PTPRD: variants seen among roughly 807,000 people sequenced by gnomAD.
PTPRD encodes protein tyrosine phosphatase receptor type D, also known as receptor-type tyrosine-protein phosphatase delta.
PTPRD carries 34 observed loss-of-function variants against 214.5 expected under a neutral mutation model. The observed-to-expected ratio is 0.16, with a 90% CI of 0.12 to 0.21. The LOEUF is 0.21. PTPRD is among the 10% of genes least tolerant of loss of function. PTPRD has a pLI of 1.00. For synonymous variants in PTPRD, 1,128 were observed against 845.7 expected, an observed-to-expected ratio of 1.33 and a Z score of -5.79; for missense variants, 2,545 against 2,398.7, an observed-to-expected ratio of 1.06 and a Z score of -1.27.
At chr9:10,520,182 GGAAGAGTTATT>G (rs2051681724) in intron 2 of PTPRD, among the ~76,000 whole-genome samples, 1 of 152,130 alleles carries the variant, frequency 6.6e-6, no homozygotes, top group Non-Finnish European at 1.5e-5. Context: ...CAAATGCAAA[GGAAGAGTTATT>G]GAAGCAAAAG....
intron 5 of PTPRD, among the ~76,000 whole-genome samples, chr9:9,801,672 G>C (rs920703469): frequency 6.6e-6 from 1 of 152,030 alleles, no homozygotes; most frequent in Admixed American, 6.6e-5. Flanking sequence ...ATTGTTTTGA[G>C]TTTATAGGGT....
chr9:9,882,058 G>A (rs927939514), intron 5 of PTPRD, among the ~76,000 whole-genome samples: 5 of 152,004 alleles, frequency 3.3e-5, no homozygotes, highest in Non-Finnish European at 7.4e-5. Flanking sequence ...GTTGAAAAAA[G>A]AATGTAGACA....
chr9:9,269,020 C>T (rs1280232728), intron 9 of PTPRD, among the ~76,000 whole-genome samples: 1 of 150,250 alleles, frequency 6.7e-6, no homozygotes, highest in Non-Finnish European at 1.5e-5. Context: ...GGAAACACAT[C>T]AAGCTGAAAA....
intron 12 of PTPRD, chr9:8,713,574 C>T (rs1403777642): frequency 2.2e-5 from 33 of 1,488,182 alleles, no homozygotes; most frequent in Non-Finnish European, 3.0e-5. Context: ...ACTCCCGGAG[C>T]GGCACCCACA....
intron 11 of PTPRD, among the ~76,000 whole-genome samples, chr9:9,005,393 C>T (rs769314191): frequency 6.8e-6 from 1 of 148,064 alleles, no homozygotes; most frequent in African/African-American, 2.4e-5. Context: ...ATATGAGATG[C>T]CTAATAAATA....
intron 4 of PTPRD, among the ~76,000 whole-genome samples, chr9:9,993,523 T>G (rs561848901): frequency 6.6e-6 from 1 of 152,150 alleles, no homozygotes; most frequent in Non-Finnish European, 1.5e-5. Flanking sequence ...AATTCTCTAA[T>G]ATAAAGTTGA....
chr9:9,740,881 C>T (rs1372347439), intron 6 of PTPRD, among the ~76,000 whole-genome samples: 2 of 152,006 alleles, frequency 1.3e-5, no homozygotes, highest in African/African-American at 2.4e-5. Flanking sequence ...ATATTCTAAA[C>T]AGAGAAAATA....
intron 3 of PTPRD, among the ~76,000 whole-genome samples, chr9:10,036,066 ATTGGT>A (rs2097175065): frequency 2.0e-5 from 3 of 152,172 alleles, no homozygotes; most frequent in Non-Finnish European, 2.9e-5. Flanking sequence ...GATATTCAAC[ATTGGT>A]ATCTGGCAGT....
At chr9:9,139,035 A>G (rs888159396) in intron 10 of PTPRD, among the ~76,000 whole-genome samples, 2 of 152,166 alleles carry the variant, frequency 1.3e-5, no homozygotes, top group Non-Finnish European at 2.9e-5. Flanking sequence ...TAGCAGAGCC[A>G]GGATAGACTC....
chr9:9,951,163 G>A (rs2093419879), intron 4 of PTPRD, among the ~76,000 whole-genome samples: 1 of 152,098 alleles, frequency 6.6e-6, no homozygotes, highest in Non-Finnish European at 1.5e-5. Context: ...ATGTTTCAGG[G>A]ACAATGGAAC....
At chr9:9,397,304 A>C (rs999713581) in intron 9 of PTPRD, 145 bp downstream of exon 9, 1 of 152,268 alleles carries the variant, frequency 6.6e-6, no homozygotes, top group Non-Finnish European at 1.5e-5. Flanking sequence ...AGAAGAAACA[A>C]AACATCCTAA....
chr9:9,068,914 A>G (rs947403727), intron 10 of PTPRD, among the ~76,000 whole-genome samples: 14 of 152,194 alleles, frequency 9.2e-5, no homozygotes, highest in African/African-American at 3.4e-4. Flanking sequence ...TCGGCCTACA[A>G]AAATTTCTTT....
At chr9:10,178,005 T>C (rs2099259558) in intron 3 of PTPRD, among the ~76,000 whole-genome samples, 2 of 151,890 alleles carry the variant, frequency 1.3e-5, no homozygotes, top group South Asian at 4.1e-4. Context: ...CACTTTCTAG[T>C]TGTTAATTTT....
chr9:9,560,817 C>T (rs1041939321), intron 8 of PTPRD, among the ~76,000 whole-genome samples: 10 of 152,086 alleles, frequency 6.6e-5, no homozygotes, highest in Non-Finnish European at 1.3e-4. Flanking sequence ...TCACACTGTC[C>T]GCCCTGTCTT....
intron 10 of PTPRD, among the ~76,000 whole-genome samples, chr9:9,082,316 T>C (rs957395057): frequency 1.3e-5 from 2 of 152,154 alleles, no homozygotes; most frequent in Non-Finnish European, 2.9e-5. Context: ...TGCCAATCAA[T>C]AGACATAATC....
Position 9,945,585 on chromosome 9 carries a change from T to C in PTPRD, c.-471-6975A>G, listed in dbSNP as rs560720788. 1.5e-4 allele frequency among the ~76,000 whole-genome samples: 23 copies of C among 152,238 alleles called. No individual in the cohort carries two copies. The South Asian group carries it at 1.9e-3, about 12-fold the overall frequency. On this transcript the variant is annotated intron_variant, in intron 4 of 45. Coordinates refer to ENST00000381196, the MANE Select transcript of PTPRD (RefSeq NM_002839.4). ...CAGTTAAGTAATGCAAGTTGAAGAA[T>C]TGCACATTGCACATGCAACACAGAG...
rs1240327713 is a variant in PTPRD at position 9,275,065 on chromosome 9, ATTAT to A, written c.-202-91706_-202-91703del. 4.1e-5 allele frequency among the ~76,000 whole-genome samples: 3 copies of A among 72,592 alleles called. No homozygotes were observed. In the Admixed American group the frequency reaches 6.6e-4, roughly 16 times the overall value. The allele number at this position is 72,592 out of a possible 152,430, so 47.6% of individuals were successfully genotyped here. A position where few individuals can be genotyped will look rare whatever the true frequency, so the allele number is the denominator to read the frequency against. On this transcript the variant is annotated intron_variant, in intron 9 of 45. Coordinates refer to ENST00000381196, the MANE Select transcript of PTPRD (RefSeq NM_002839.4). ...TTTCCATATATATATGTATATATAT[ATTAT>A]ATATATATATATAATATATATGTTA...
chr9:9,687,891 G>A (rs992393730), intron 7 of PTPRD, among the ~76,000 whole-genome samples: 4 of 151,744 alleles, frequency 2.6e-5, no homozygotes, highest in African/African-American at 7.2e-5. Flanking sequence ...CTCTTATCTC[G>A]AATTGTAATC....
chr9:10,031,647 T>TATATATATATATATACACACAC, intron 4 of PTPRD, among the ~76,000 whole-genome samples: 3 of 89,650 alleles, frequency 3.3e-5, no homozygotes, highest in African/African-American at 1.6e-4. Flanking sequence ...TATATATATA[T>TATATATATATATATACACACAC]ACACACACAC....
Sources: gnomAD v4.1 joint callset for allele counts (sites outside exome capture counted in the v4.1 genomes callset) on GRCh38, gnomAD v4.1.1 for gene constraint, MANE v1.5 for transcripts, NCBI Gene and HGNC (gene_info 2026-07-23, HGNC 2026-07-21) for gene names.